CELF4: variants seen among roughly 807,000 people sequenced by gnomAD.
The protein encoded by CELF4 is CUG-BP- and ETR-3-like factor 4.
A neutral mutation model predicts 59.9 loss-of-function variants in CELF4; 18 were observed. That is an observed-to-expected ratio of 0.30 (90% CI 0.21 to 0.45). The LOEUF (loss-of-function observed/expected upper bound fraction) is 0.45. CELF4 is among the 20% of genes least tolerant of loss of function. CELF4 has a pLI of 1.00. For missense variants in CELF4, 456 were observed against 689.0 expected (o/e 0.66, Z 3.79); for synonymous variants, 261 against 267.1 (o/e 0.98, Z 0.22).
rs75528403 is a variant in CELF4, at chr18:37,293,623, C to T, written c.449-18380G>A. On this transcript the variant is annotated intron_variant, in intron 3 of 12. Transcript: ENST00000420428. ...CTTAACCCACTCCAGACACTGTAGG[C>T]TGTGAGATCACTGTCCTTATTCCTG... Among the ~76,000 whole-genome samples the T allele has an allele frequency of 2.6e-3, 391 of 152,274 alleles. 3 individuals carry two copies. Among genetic ancestry groups the T allele is most frequent in the African/African-American group, 8.8e-3 (367 of 41,548 alleles).
intron 1 of CELF4, among the ~76,000 whole-genome samples, chr18:37,497,820 G>T (rs1476717929): frequency 6.6e-6 from 1 of 152,132 alleles, no homozygotes; most frequent in East Asian, 1.9e-4. Context: ...TTTGGGCATT[G>T]TTCTAAGGGC....
At chr18:37,365,325 C>T (rs889938138) in intron 2 of CELF4, among the ~76,000 whole-genome samples, 4 of 152,050 alleles carry the variant, frequency 2.6e-5, no homozygotes, top group African/African-American at 9.7e-5. Context: ...ACCCTTCTAC[C>T]AAGCCCGATG....
At chr18:37,527,994 A>C (rs1380928103) in intron 1 of CELF4, among the ~76,000 whole-genome samples, 1 of 152,186 alleles carries the variant, frequency 6.6e-6, no homozygotes, top group Non-Finnish European at 1.5e-5. Context: ...ACCTGCAGAC[A>C]CTTGGTAGAT....
At chr18:37,339,081 C>A (rs1603618223) in intron 2 of CELF4, among the ~76,000 whole-genome samples, 1 of 152,298 alleles carries the variant, frequency 6.6e-6, no homozygotes, top group East Asian at 1.9e-4. Flanking sequence ...GGAGGCGCAG[C>A]CCAATTTTAT....
intron 2 of CELF4, among the ~76,000 whole-genome samples, chr18:37,446,878 T>C (rs1388897832): frequency 6.6e-6 from 1 of 152,164 alleles, no homozygotes; most frequent in Non-Finnish European, 1.5e-5. Flanking sequence ...TGCAAAGCCC[T>C]GTAATTTGCA....
chr18:37,508,940 C>T (rs376991571), intron 1 of CELF4, among the ~76,000 whole-genome samples: 1 of 152,166 alleles, frequency 6.6e-6, no homozygotes, highest in Non-Finnish European at 1.5e-5. Context: ...TGTCACCTCT[C>T]TTCTGCCTCA....
chr18:37,419,412 G>A (rs556961425), intron 2 of CELF4, among the ~76,000 whole-genome samples: 1 of 152,284 alleles, frequency 6.6e-6, no homozygotes, highest in Admixed American at 6.5e-5. Flanking sequence ...GAGAGATGGG[G>A]CCAGAGTTGA....
chr18:37,540,319 C>T (rs1222151580), intron 1 of CELF4, among the ~76,000 whole-genome samples: 1 of 152,244 alleles, frequency 6.6e-6, no homozygotes, highest in African/African-American at 2.4e-5. Flanking sequence ...TTACATCTCT[C>T]ATTTGTAAGT....
intron 2 of CELF4, among the ~76,000 whole-genome samples, chr18:37,368,087 G>C (rs1012139974): frequency 5.9e-5 from 9 of 152,082 alleles, no homozygotes; most frequent in African/African-American, 9.7e-5. Flanking sequence ...TGGGTCATTT[G>C]GGTCTCAGTG....
intron 2 of CELF4, among the ~76,000 whole-genome samples, chr18:37,393,310 A>C (rs1200816163): frequency 1.3e-5 from 2 of 152,192 alleles, no homozygotes; most frequent in East Asian, 3.9e-4. Flanking sequence ...ACTTGCTCAA[A>C]GCCACTCAGA....
chr18:37,406,712 G>A (rs1569568948), intron 2 of CELF4, among the ~76,000 whole-genome samples: 3 of 152,182 alleles, frequency 2.0e-5, no homozygotes, highest in Non-Finnish European at 4.4e-5. Context: ...AACCCCTAAT[G>A]TTGCCTGTTA....
chr18:37,449,874 C>G (rs2099758255), intron 2 of CELF4, among the ~76,000 whole-genome samples: 1 of 152,172 alleles, frequency 6.6e-6, no homozygotes, highest in Non-Finnish European at 1.5e-5. Flanking sequence ...AGCTGGAGGC[C>G]CTTGGCTCTG....
chr18:37,514,520 C>T (rs559346975), intron 1 of CELF4, among the ~76,000 whole-genome samples: 1 of 152,156 alleles, frequency 6.6e-6, no homozygotes, highest in Non-Finnish European at 1.5e-5. Flanking sequence ...GCTCAGAGCC[C>T]CCTTGAAGAG....
intron 1 of CELF4, among the ~76,000 whole-genome samples, chr18:37,497,018 A>G (rs2099925972): frequency 6.6e-6 from 1 of 152,166 alleles, no homozygotes; most frequent in Admixed American, 6.5e-5. Flanking sequence ...GAGCTATTCC[A>G]AGTCATCCTG....
At chr18:37,349,585 A>T (rs1319990594) in intron 2 of CELF4, among the ~76,000 whole-genome samples, 1 of 152,188 alleles carries the variant, frequency 6.6e-6, no homozygotes, top group African/African-American at 2.4e-5. Flanking sequence ...TGCATGAAGG[A>T]CAGGCAGCCC....
chr18:37,551,283 C>T (rs371038284), intron 1 of CELF4, among the ~76,000 whole-genome samples: 2 of 152,140 alleles, frequency 1.3e-5, no homozygotes, highest in East Asian at 1.9e-4. Context: ...ATCTCCCTCC[C>T]CTAAAGAGCC....
At chr18:37,432,920 C>T (rs2099674916) in intron 2 of CELF4, among the ~76,000 whole-genome samples, 1 of 152,184 alleles carries the variant, frequency 6.6e-6, no homozygotes, top group Non-Finnish European at 1.5e-5. Context: ...TTGATTTGCT[C>T]CTGGTCAGAA....
chr18:37,295,845 TG>T (rs2095609431), intron 3 of CELF4, among the ~76,000 whole-genome samples: 1 of 152,210 alleles, frequency 6.6e-6, no homozygotes, highest in Non-Finnish European at 1.5e-5. Context: ...GGAACTGCAC[TG>T]GGGGTCAGGG....
intron 2 of CELF4, among the ~76,000 whole-genome samples, chr18:37,351,599 T>TTTC (rs1569567332): frequency 1.8e-4 from 25 of 139,972 alleles, no homozygotes; most frequent in East Asian, 4.4e-4. Context: ...TTCTTTTCTT[T>TTTC]TTCTTCTTCT....
Sources: allele counts gnomAD v4.1 joint callset (sites outside exome capture counted in the v4.1 genomes callset), GRCh38; gene constraint gnomAD v4.1.1; transcripts MANE v1.5; gene names NCBI Gene and HGNC (gene_info 2026-07-23, HGNC 2026-07-21).